CDH18: variants seen among roughly 807,000 people sequenced by gnomAD.
The protein encoded by CDH18 is cadherin 18.
In CDH18, 31 loss-of-function variants were observed where a neutral mutation model predicts 67.9. That is an observed-to-expected ratio of 0.46 (90% CI 0.34 to 0.62). The LOEUF is 0.62. CDH18 is among the 20% of genes least tolerant of loss of function. CDH18 has a pLI of 0.01. For missense variants in CDH18, 890 were observed against 975.5 expected (o/e 0.91, Z 1.17); for synonymous variants, 362 against 347.2 (o/e 1.04, Z -0.48).
At chr5:19,976,340 AGAGTT>A (rs1264976380) in intron 2 of CDH18, among the ~76,000 whole-genome samples, 3 of 152,136 alleles carry the variant, frequency 2.0e-5, no homozygotes, top group African/African-American at 4.8e-5. Context: ...TACAGAAAAA[AGAGTT>A]GAGGGGAAAA....
intron 5 of CDH18, among the ~76,000 whole-genome samples, chr5:19,658,948 AC>A (rs1756795444): frequency 6.6e-6 from 1 of 151,946 alleles, no homozygotes; most frequent in South Asian, 2.1e-4. Context: ...GCACATATAC[AC>A]CATGGAATAC....
At chr5:20,157,819 T>G (rs899163959) in intron 2 of CDH18, among the ~76,000 whole-genome samples, 2 of 152,024 alleles carry the variant, frequency 1.3e-5, no homozygotes, top group Non-Finnish European at 2.9e-5. Flanking sequence ...TTTTTGTATT[T>G]TTAGTAGAGA....
intron 2 of CDH18, among the ~76,000 whole-genome samples, chr5:20,251,539 T>C (rs78078427): frequency 1.3e-5 from 2 of 152,252 alleles, no homozygotes; most frequent in East Asian, 3.8e-4. Flanking sequence ...GCAATAGGGA[T>C]ATGTTCTGAG....
In CDH18 at chr5:19,737,876, TCAATTTTGAGA is replaced by T. The variant is rs1248599341; in HGVS notation, c.523+9055_523+9065del. ...AGTGATACTTGAATGATGACAAGTA[TCAATTTTGAGA>T]TTTTTTGCTTTATTCTATTTCCTCA... is the stretch of plus-strand genomic sequence containing the variant. On this transcript the variant is annotated intron_variant, in intron 4 of 12. Coordinates refer to ENST00000382275, the MANE Select transcript of CDH18 (RefSeq NM_004934.5). Among the ~76,000 whole-genome samples, 4 of 152,158 alleles carry T rather than the reference TCAATTTTGAGA, an allele frequency of 2.6e-5. No homozygotes were observed. In the East Asian group the frequency reaches 7.7e-4, roughly 29 times the overall value.
chr5:20,051,454 T>G lies in CDH18; in HGVS notation c.-517-59440A>C, dbSNP rs75433665. On this transcript the variant is annotated intron_variant, in intron 2 of 14. Transcript: ENST00000507958. ...GAGTTATGACTCTACTATGTTAAAA[T>G]AAAATAAAAATAATGTATCTAAGAA... Among the ~76,000 whole-genome samples the G allele has an allele frequency of 0.023, 3,465 of 152,024 alleles. 241 individuals are homozygous for G. In the East Asian group the frequency reaches 0.28, roughly 12 times the overall value.
intron 4 of CDH18, among the ~76,000 whole-genome samples, chr5:19,729,926 G>T (rs559820359): frequency 1.3e-5 from 2 of 152,232 alleles, no homozygotes; most frequent in South Asian, 4.1e-4. Context: ...AGAATAAGGG[G>T]AAGTTATAGA....
chr5:20,470,464 T>A (rs1344328769), intron 1 of CDH18, among the ~76,000 whole-genome samples: 2 of 152,258 alleles, frequency 1.3e-5, no homozygotes, highest in Admixed American at 1.3e-4. Context: ...CTCTCCCGGA[T>A]GTCTATTCTG....
chr5:20,090,087 A>C (rs1283127600), intron 2 of CDH18, among the ~76,000 whole-genome samples: 2 of 152,232 alleles, frequency 1.3e-5, no homozygotes, highest in Non-Finnish European at 2.9e-5. Flanking sequence ...TGGTTTATAA[A>C]TAAAAGCAGA....
intron 5 of CDH18, among the ~76,000 whole-genome samples, chr5:19,662,931 G>C (rs1757386027): frequency 6.6e-6 from 1 of 151,936 alleles, no homozygotes; most frequent in African/African-American, 2.4e-5. Flanking sequence ...AGTGAACAAA[G>C]GTGACTGAAT....
intron 3 of CDH18, among the ~76,000 whole-genome samples, chr5:19,817,351 G>C (rs1386746633): frequency 6.6e-6 from 1 of 151,892 alleles, no homozygotes; most frequent in Non-Finnish European, 1.5e-5. Flanking sequence ...CTTTGAATCG[G>C]AATCTCACTT....
chr5:19,635,280 A>T (rs756364870), intron 5 of CDH18, among the ~76,000 whole-genome samples: 3 of 152,186 alleles, frequency 2.0e-5, no homozygotes, highest in Non-Finnish European at 2.9e-5. Flanking sequence ...GGAGTACTTT[A>T]TATCTTACTA....
At chr5:19,488,771 A>G (rs77602651) in intron 11 of CDH18, among the ~76,000 whole-genome samples, 4,939 of 152,278 alleles carry the variant, frequency 0.032, 263 homozygotes, top group African/African-American at 0.11. Context: ...AAGCAAAATG[A>G]ACTAATATAT....
Position 19,571,574 on chromosome 5 carries a change from C to A in CDH18, c.1253+5G>T, listed in dbSNP as rs372596052. The A allele has an allele frequency of 3.1e-6, 5 of 1,613,150 alleles. No individual in the cohort carries two copies. Among genetic ancestry groups the A allele is most frequent in the Non-Finnish European group, 4.2e-6 (5 of 1,179,318 alleles). Reference sequence around the variant, plus strand: ...CTATGTCTAAACGATTGAAGCATGCCATACCTTACTAAGCTGTTAGTACTG... The same window carrying A: ...CTATGTCTAAACGATTGAAGCATGCAATACCTTACTAAGCTGTTAGTACTG... On this transcript the variant is annotated splice_donor_5th_base_variant and intron_variant, in intron 8 of 12. Coordinates refer to ENST00000382275, the MANE Select transcript of CDH18 (RefSeq NM_004934.5).
chr5:20,462,588 T>A (rs1025524738), intron 1 of CDH18, among the ~76,000 whole-genome samples: 58 of 152,208 alleles, frequency 3.8e-4, no homozygotes, highest in African/African-American at 1.3e-3. Flanking sequence ...TATGCATGTA[T>A]CAAACTATCA....
At chr5:19,954,161 C>T (rs149272446) in intron 2 of CDH18, among the ~76,000 whole-genome samples, 2 of 151,946 alleles carry the variant, frequency 1.3e-5, no homozygotes, top group African/African-American at 4.8e-5. Context: ...GGATTATGAA[C>T]TGATATTATG....
upstream of CDH18, among the ~76,000 whole-genome samples, chr5:19,991,122 G>C (rs1413582159): frequency 6.6e-6 from 1 of 152,118 alleles, no homozygotes; most frequent in Non-Finnish European, 1.5e-5. Flanking sequence ...CATTTTCTGA[G>C]AGAGAGACTC....
intron 5 of CDH18, among the ~76,000 whole-genome samples, chr5:19,715,140 C>A (rs141630938): frequency 0.012 from 1,890 of 152,152 alleles, 38 homozygotes; most frequent in African/African-American, 0.043. Context: ...TATATAGTTT[C>A]TTTAAGCATA....
chr5:19,752,279 GC>G (rs772965405), intron 3 of CDH18, among the ~76,000 whole-genome samples: 42 of 152,056 alleles, frequency 2.8e-4, no homozygotes, highest in Non-Finnish European at 5.7e-4. Flanking sequence ...GGGTTAGCCG[GC>G]GGTAAGTCCT....
chr5:19,719,596 A>G (rs144596517), intron 5 of CDH18, among the ~76,000 whole-genome samples: 14 of 152,100 alleles, frequency 9.2e-5, no homozygotes, highest in African/African-American at 3.4e-4. Flanking sequence ...TTAGATTACT[A>G]GATTAATAAG....
Sources: gnomAD v4.1 joint callset for allele counts (sites outside exome capture counted in the v4.1 genomes callset) on GRCh38, gnomAD v4.1.1 for gene constraint, MANE v1.5 for transcripts, NCBI Gene and HGNC (gene_info 2026-07-23, HGNC 2026-07-21) for gene names.